ZFAND4: variants seen among roughly 807,000 people sequenced by gnomAD.
ZFAND4 encodes AN1-type zinc finger protein 4.
ZFAND4 carries 43 observed loss-of-function variants against 64.4 expected under a neutral mutation model. The observed-to-expected ratio is 0.67, with a 90% CI of 0.52 to 0.86. The LOEUF is 0.86. Among genes scored for constraint, ZFAND4 ranks in the 40% least tolerant of loss-of-function variants. The pLI, the probability that ZFAND4 is intolerant of heterozygous loss-of-function variation, is 0.00. For missense variants in ZFAND4, 929 were observed against 859.8 expected (o/e 1.08, Z -1.01); for synonymous variants, 296 against 305.7 (o/e 0.97, Z 0.33).
chr10:45,624,781 A>C, intron 7 of ZFAND4, 144 bp from the exon 8 acceptor site: 1 of 673,916 alleles, frequency 1.5e-6, no homozygotes, highest in East Asian at 2.9e-5. Context: ...GTTTAATTAA[A>C]TTAACTCAGA....
At chr10:45,628,572 G>A (rs1339579841) in intron 6 of ZFAND4, among the ~76,000 whole-genome samples, 1 of 152,166 alleles carries the variant, frequency 6.6e-6, no homozygotes, top group Admixed American at 6.5e-5. Context: ...GCCTCCCAAA[G>A]TGCTGGGATT....
intron 2 of ZFAND4, among the ~76,000 whole-genome samples, chr10:45,657,271 C>A (rs1474055464): frequency 6.6e-6 from 1 of 152,142 alleles, no homozygotes; most frequent in East Asian, 1.9e-4. Flanking sequence ...CTGGCTCAGC[C>A]TCTCAACCTG....
intron 6 of ZFAND4, among the ~76,000 whole-genome samples, chr10:45,638,813 TCAAA>T (rs2046797666): frequency 6.6e-6 from 1 of 152,078 alleles, no homozygotes; most frequent in Non-Finnish European, 1.5e-5. Context: ...CATGGATAAA[TCAAA>T]CAAATACTTT....
chr10:45,616,321 T>C lies in ZFAND4; in HGVS notation c.*115A>G. ...TTGTTCTCCAACAGTATGCATTGTA[T>C]GCTTTTGTTATTTGGCAAATCTTTT... On this transcript the variant is annotated 3_prime_UTR_variant, in exon 10 of 10. Transcript: ENST00000344646. The C allele has an allele frequency of 7.3e-7, 1 of 1,378,354 alleles. No homozygotes were observed. The highest frequency in any genetic ancestry group is 2.3e-5 in the Admixed American group (1 of 43,622). 85.4% of individuals were successfully genotyped at this position (1,378,354 alleles called of 1,614,324 possible). A position where few individuals can be genotyped will look rare whatever the true frequency, so the allele number is the denominator to read the frequency against.
At position 45,672,488 on chromosome 10, in the gene ZFAND4, G is replaced by A. The variant is rs893959324; in HGVS notation, c.-356C>T. 1.3e-5 allele frequency: 2 copies of A among 152,368 alleles called. No individual in the cohort carries two copies. The highest frequency in any genetic ancestry group is 2.1e-4 in the South Asian group (1 of 4,840). 9.4% of individuals were successfully genotyped at this position (152,368 alleles called of 1,614,324 possible). On this transcript the variant is annotated 5_prime_UTR_variant, in exon 1 of 10. Transcript: ENST00000344646. ...CCGCCGCTCCGGTCCCCGGGCAGCA[G>A]CGGCCGGCGTCAGGCCGCAAGGCGA...
Position 45,616,493 on chromosome 10 carries a change from C to A in ZFAND4, c.2127G>T (p.Arg709Ser). The change falls in exon 10 of 10, where the codon AGG (arginine) becomes AGT (serine). Residue 709 changes from arginine to serine, a missense_variant. By Grantham distance (110) the Arg-to-Ser change is moderately radical. Coordinates refer to ENST00000344646, the MANE Select transcript of ZFAND4 (RefSeq NM_174890.4). Reference sequence around the variant, plus strand: ...CAGGATTTGCCTCGTGCAAGTATCTCCTCCCTGCACTCTTGTAATCATAGG... The same window carrying A: ...CAGGATTTGCCTCGTGCAAGTATCTACTCCCTGCACTCTTGTAATCATAGG... ...GCTYDYKSAG[R>S]RYLHEANPVV... 1 of 1,614,158 alleles carries A rather than the reference C, an allele frequency of 6.2e-7. No individual in the cohort carries two copies. Among genetic ancestry groups the A allele is most frequent in the Non-Finnish European group, 8.5e-7 (1 of 1,180,006 alleles).
At chr10:45,621,391 C>CAT (rs2133524503) in intron 8 of ZFAND4, among the ~76,000 whole-genome samples, 1 of 147,390 alleles carries the variant, frequency 6.8e-6, no homozygotes, top group Admixed American at 6.8e-5. Flanking sequence ...AACAAAAAAG[C>CAT]ATATATCTGG....
chr10:45,627,049 A>G lies in ZFAND4; in HGVS notation c.774T>C (p.Ser258=). 6.3e-7 allele frequency: 1 copy of G among 1,592,308 alleles called. No homozygotes were observed. Among genetic ancestry groups the G allele is most frequent in the East Asian group, 2.2e-5 (1 of 44,702 alleles). The stretch of plus-strand genomic sequence containing the variant: ...GGTGGCGAGATGGTGCAGTGGAACC[A>G]CTAGAAGGTCGAGGAGCTACAGGTG... ...PHPPVAPRPS[S]GSTAPSRHRL... is the part of the protein sequence containing the mutation. Residue 258 remains serine (S), a synonymous_variant, in exon 7 of 10, where the codon AGT becomes AGC. Coordinates refer to ENST00000344646, the MANE Select transcript of ZFAND4 (RefSeq NM_174890.4).
At position 45,616,591 on chromosome 10, in the gene ZFAND4, T is replaced by C. The variant is rs2044966569; in HGVS notation, c.2049-20A>G. 6.2e-7 allele frequency: 1 copy of C among 1,613,628 alleles called. No individual in the cohort carries two copies. Among genetic ancestry groups the C allele is most frequent in the Non-Finnish European group, 8.5e-7 (1 of 1,179,768 alleles). ...CCACATCTAAAGCACAAAAAAAGTT[T>C]ACGTGAATAGTTGTATTTCTATGAA... On this transcript the variant is annotated intron_variant, in intron 9 of 9. Coordinates refer to ENST00000344646, the MANE Select transcript of ZFAND4 (RefSeq NM_174890.4).
At chr10:45,664,064 A>G (rs2048646582) in intron 1 of ZFAND4, among the ~76,000 whole-genome samples, 2 of 152,232 alleles carry the variant, frequency 1.3e-5, no homozygotes, top group South Asian at 4.1e-4. Flanking sequence ...TGATATTATA[A>G]TGTATCTTAC....
At chr10:45,668,074 A>G (rs1260417059) in intron 1 of ZFAND4, among the ~76,000 whole-genome samples, 2 of 152,160 alleles carry the variant, frequency 1.3e-5, no homozygotes, top group Non-Finnish European at 2.9e-5. Flanking sequence ...CACATATTAC[A>G]TTACTTTTTA....
chr10:45,652,501 AG>A lies in ZFAND4; in HGVS notation c.261-469del, dbSNP rs537978322. Reference sequence around the variant, plus strand: ...AAAAGAGTGATGAATTATGTGAAAGAGGGGAGAAATAAGAGAGACAAAGTGT... The same window carrying A: ...AAAAGAGTGATGAATTATGTGAAAGAGGGAGAAATAAGAGAGACAAAGTGT... On this transcript the variant is annotated intron_variant, in intron 3 of 9. Transcript: ENST00000344646. Among the ~76,000 whole-genome samples the A allele has an allele frequency of 3.6e-3, 547 of 152,314 alleles. 5 individuals are homozygous for A. Among genetic ancestry groups the A allele is most frequent in the African/African-American group, 0.013 (521 of 41,570 alleles).
rs776394662 is a variant in ZFAND4, at chr10:45,625,989, T to C, written c.1834A>G (p.Lys612Glu). 1 of 1,614,168 alleles carries C rather than the reference T, an allele frequency of 6.2e-7. No individual in the cohort carries two copies. The highest frequency in any genetic ancestry group is 1.7e-5 in the Admixed American group (1 of 60,026). The change falls in exon 7 of 10, where the codon AAA becomes GAA. Residue 612 changes from lysine (K) to glutamate (E), a missense_variant. Lys to Glu is a moderately conservative substitution (Grantham distance 56, BLOSUM62 1). Coordinates refer to ENST00000344646, the MANE Select transcript of ZFAND4 (RefSeq NM_174890.4). ...GTATGTTCTAACTGGGGAGAACTTT[T>C]CCTAAAGTTTTCTTCCTGAAAATGC... is the stretch of plus-strand genomic sequence containing the variant. ...LQHFQEENFRKSSPQLEHTGV... is the reference protein window; with the variant it reads ...LQHFQEENFRESSPQLEHTGV...
Position 45,648,539 on chromosome 10 carries a change from A to G in ZFAND4, c.329-5T>C, listed in dbSNP as rs756412364. ...TAAGTGGATCGTCTGTAGGAACTAC[A>G]AATGGAAAATTGAAATAAGTCTTCA... On this transcript the variant is annotated splice_polypyrimidine_tract_variant and splice_region_variant and intron_variant, in intron 4 of 9. Coordinates refer to ENST00000344646, the MANE Select transcript of ZFAND4 (RefSeq NM_174890.4). The G allele has an allele frequency of 2.5e-6, 4 of 1,589,538 alleles. No individual in the cohort carries two copies. The highest frequency in any genetic ancestry group is 3.7e-5 in the Admixed American group (2 of 54,668).
rs367885376 is a variant in ZFAND4 at position 45,626,196 on chromosome 10, T to C, written c.1627A>G (p.Lys543Glu). The C allele has an allele frequency of 1.2e-6, 2 of 1,614,056 alleles. No individual in the cohort carries two copies. Among genetic ancestry groups the C allele is most frequent in the African/African-American group, 1.3e-5 (1 of 74,928 alleles). ...SLGKRSDVIS[K>E]VEARDITEMT... ...TCTGTGATATCCCGAGCCTCAACTT[T>C]GGAAATAACATCAGATCTTTTCCCA... Residue 543 changes from lysine to glutamate, a missense_variant, in exon 7 of 10, where the codon AAA becomes GAA. By Grantham distance (56) the Lys-to-Glu change is moderately conservative (BLOSUM62 1). Coordinates refer to ENST00000344646, the MANE Select transcript of ZFAND4 (RefSeq NM_174890.4).
In ZFAND4 at chr10:45,626,040, C is replaced by G. The variant is rs752890062; in HGVS notation, c.1783G>C (p.Gly595Arg). The change falls in exon 7 of 10, where the codon GGA becomes CGA. Residue 595 changes from glycine to arginine, a missense_variant. Coordinates refer to ENST00000344646, the MANE Select transcript of ZFAND4 (RefSeq NM_174890.4). ...TRGAGRLQNS[G>R]TGLSTNLQHF... is the part of the protein sequence containing the mutation. ...TGGAGGTTTGTAGACAGCCCAGTTC[C>G]AGAGTTCTGAAGCCTGCCTGCCCCA... 1.2e-6 allele frequency: 2 copies of G among 1,614,094 alleles called. No homozygotes were observed.
intron 2 of ZFAND4, among the ~76,000 whole-genome samples, chr10:45,663,098 T>C (rs1297731691): frequency 6.6e-6 from 1 of 150,868 alleles, no homozygotes; most frequent in East Asian, 1.9e-4. Flanking sequence ...AAGACTCTTT[T>C]CGGAAAACCT....
chr10:45,622,852 A>G (rs1337335913), intron 8 of ZFAND4, among the ~76,000 whole-genome samples: 6 of 152,194 alleles, frequency 3.9e-5, no homozygotes, highest in African/African-American at 1.4e-4. Flanking sequence ...GTACTGCCTG[A>G]AATACCATGA....
At chr10:45,635,856 T>C (rs958442401) in intron 6 of ZFAND4, among the ~76,000 whole-genome samples, 1 of 152,204 alleles carries the variant, frequency 6.6e-6, no homozygotes, top group Non-Finnish European at 1.5e-5. Flanking sequence ...ACACTTAAGA[T>C]GGTTAAGATA....
Sources: allele counts gnomAD v4.1 joint callset (sites outside exome capture counted in the v4.1 genomes callset), GRCh38; gene constraint gnomAD v4.1.1; transcripts MANE v1.5; gene names NCBI Gene and HGNC (gene_info 2026-07-23, HGNC 2026-07-21).